Variants in TRAPPC9 observed in about 807,000 individuals in gnomAD.
The protein encoded by TRAPPC9 is trafficking protein particle complex subunit 9, also known as IKK2 binding protein.
TRAPPC9 carries 83 observed loss-of-function variants against 124.0 expected under a neutral mutation model. That is an observed-to-expected ratio of 0.67 (90% CI 0.56 to 0.80). The LOEUF is 0.80. TRAPPC9 is among the 30% of genes least tolerant of loss of function. TRAPPC9 has a pLI of 0.00. For missense variants in TRAPPC9, 1,302 were observed against 1,508.3 expected (o/e 0.86, Z 2.27); for synonymous variants, 638 against 617.5 (o/e 1.03, Z -0.49).
At chr8:140,204,131 G>C (rs1053243793) in intron 17 of TRAPPC9, among the ~76,000 whole-genome samples, 2 of 152,098 alleles carry the variant, frequency 1.3e-5, no homozygotes, top group Non-Finnish European at 2.9e-5. Flanking sequence ...CCACAGTAAT[G>C]AGTGAGTTCT....
chr8:139,950,904 G>A lies in TRAPPC9; in HGVS notation c.2810+37822C>T, dbSNP rs144253877. Among the ~76,000 whole-genome samples the A allele has an allele frequency of 3.4e-3, 511 of 152,306 alleles. 6 individuals carry two copies. Among genetic ancestry groups the A allele is most frequent in the African/African-American group, 0.012 (485 of 41,560 alleles). ...CATGGCATGCGGCAAGAGGAGGCGC[G>A]GCAGGGAGGGAGCCGCACCCGCCTT... On this transcript the variant is annotated intron_variant, in intron 19 of 22. Coordinates refer to ENST00000438773, the MANE Select transcript of TRAPPC9 (RefSeq NM_001160372.4).
chr8:139,930,440 C>G (rs1225847271), intron 19 of TRAPPC9, among the ~76,000 whole-genome samples: 1 of 152,202 alleles, frequency 6.6e-6, no homozygotes, highest in African/African-American at 2.4e-5. Flanking sequence ...ACAGGGAAAA[C>G]AAGGGGGTCG....
chr8:140,349,109 G>A (rs548236300), intron 9 of TRAPPC9, among the ~76,000 whole-genome samples: 3 of 136,600 alleles, frequency 2.2e-5, no homozygotes, highest in African/African-American at 5.4e-5. Context: ...CAAGCGGGGG[G>A]GCTGAAGACG....
chr8:139,822,123 A>G (rs1825294374), intron 21 of TRAPPC9, among the ~76,000 whole-genome samples: 1 of 152,150 alleles, frequency 6.6e-6, no homozygotes, highest in African/African-American at 2.4e-5. Context: ...AGCTCAATTA[A>G]AAACCCATTA....
chr8:140,048,873 C>T (rs142468632), intron 17 of TRAPPC9, among the ~76,000 whole-genome samples: 12 of 152,298 alleles, frequency 7.9e-5, no homozygotes, highest in African/African-American at 2.6e-4. Flanking sequence ...CCAACCAGTT[C>T]GTCAGTACCA....
intron 21 of TRAPPC9, among the ~76,000 whole-genome samples, chr8:139,749,788 C>A (rs1034119495): frequency 6.6e-6 from 1 of 152,170 alleles, no homozygotes; most frequent in African/African-American, 2.4e-5. Context: ...GAGCGGGTGG[C>A]GGTTAGCTGC....
intron 19 of TRAPPC9, among the ~76,000 whole-genome samples, chr8:139,956,656 C>G (rs1386407421): frequency 6.6e-6 from 1 of 152,226 alleles, no homozygotes; most frequent in Non-Finnish European, 1.5e-5. Context: ...GTGCCTGGAA[C>G]AGCACTGCTC....
At chr8:140,311,462 G>A (rs2066297271) in intron 9 of TRAPPC9, 88 bp from the exon 10 acceptor site, 1 of 1,462,210 alleles carries the variant, frequency 6.8e-7, no homozygotes, top group East Asian at 2.3e-5. Context: ...TTTCATGACA[G>A]TCCAGTGAGT....
rs544756534 is a variant in TRAPPC9 at position 139,951,281 on chromosome 8, GCA to G, written c.2810+37443_2810+37444del. Among the ~76,000 whole-genome samples the G allele has an allele frequency of 2.3e-3, 358 of 152,342 alleles. 4 individuals are homozygous for G. Among genetic ancestry groups the G allele is most frequent in the Admixed American group, 2.7e-3 (41 of 15,306 alleles). ...TCACAGCTGGGTGTCCCAGTGGTTA[GCA>G]CACGAGTCAGGCCAGTTGGAGCTAC... On this transcript the variant is annotated intron_variant, in intron 19 of 22. Coordinates refer to ENST00000438773, the MANE Select transcript of TRAPPC9 (RefSeq NM_001160372.4).
At chr8:140,103,330 C>A (rs2060612927) in intron 17 of TRAPPC9, among the ~76,000 whole-genome samples, 1 of 152,182 alleles carries the variant, frequency 6.6e-6, no homozygotes, top group South Asian at 2.1e-4. Context: ...AGTAATAGGA[C>A]CCACCTCGGA....
chr8:140,200,430 G>C (rs2062760813), intron 17 of TRAPPC9, among the ~76,000 whole-genome samples: 1 of 152,080 alleles, frequency 6.6e-6, no homozygotes, highest in South Asian at 2.1e-4. Flanking sequence ...TTCCCAGGAA[G>C]AGAATATAGA....
intron 7 of TRAPPC9, among the ~76,000 whole-genome samples, chr8:140,384,592 A>T (rs1290703303): frequency 6.6e-6 from 1 of 152,244 alleles, no homozygotes. Flanking sequence ...ATAATGGTAA[A>T]GGTATCAATT....
chr8:140,356,431 CA>C, intron 9 of TRAPPC9, among the ~76,000 whole-genome samples: 1 of 152,264 alleles, frequency 6.6e-6, no homozygotes, highest in South Asian at 2.1e-4. Context: ...TGGGTCACTC[CA>C]ATTATTGATC....
chr8:140,152,641 T>C (rs1315646170), intron 17 of TRAPPC9, among the ~76,000 whole-genome samples: 1 of 151,868 alleles, frequency 6.6e-6, no homozygotes. Flanking sequence ...GTGCTGGGAT[T>C]ACAGGCATGA....
intron 13 of TRAPPC9, among the ~76,000 whole-genome samples, chr8:140,285,924 T>C (rs886529769): frequency 6.6e-6 from 1 of 152,170 alleles, no homozygotes; most frequent in African/African-American, 2.4e-5. Flanking sequence ...CCAGCAAATG[T>C]TTGCTCTTCC....
intron 16 of TRAPPC9, among the ~76,000 whole-genome samples, chr8:140,227,540 A>C (rs142974971): frequency 8.1e-4 from 124 of 152,368 alleles, no homozygotes; most frequent in African/African-American, 2.9e-3. Context: ...TTTTCTATTA[A>C]GAGCAACTCT....
At chr8:139,871,168 C>G (rs1177552591) in intron 21 of TRAPPC9, among the ~76,000 whole-genome samples, 1 of 152,160 alleles carries the variant, frequency 6.6e-6, no homozygotes, top group Non-Finnish European at 1.5e-5. Context: ...GGTAGTTATG[C>G]TGATTACAAG....
At chr8:139,876,674 G>A (rs2131067718) in intron 21 of TRAPPC9, among the ~76,000 whole-genome samples, 1 of 152,270 alleles carries the variant, frequency 6.6e-6, no homozygotes, top group Non-Finnish European at 1.5e-5. Context: ...TTGAATGAAT[G>A]GATGGATCAA....
intron 21 of TRAPPC9, among the ~76,000 whole-genome samples, chr8:139,802,094 C>T (rs1423153768): frequency 6.6e-6 from 1 of 152,224 alleles, no homozygotes; most frequent in East Asian, 1.9e-4. Context: ...TTCCTCTTCC[C>T]TCCTCTCCAC....
Sources: allele counts gnomAD v4.1 joint callset (sites outside exome capture counted in the v4.1 genomes callset), GRCh38; gene constraint gnomAD v4.1.1; transcripts MANE v1.5; gene names NCBI Gene and HGNC (gene_info 2026-07-23, HGNC 2026-07-21).